Variants in PTPN13 observed in about 807,000 individuals in gnomAD.
The protein encoded by PTPN13 is protein tyrosine phosphatase non-receptor type 13, also known as tyrosine-protein phosphatase non-receptor type 13.
PTPN13 carries 191 observed loss-of-function variants against 284.0 expected under a neutral mutation model. The observed-to-expected ratio is 0.67, with a 90% confidence interval of 0.60 to 0.76. PTPN13 has a LOEUF of 0.76. PTPN13 is among the 30% of genes least tolerant of loss of function. The pLI is 0.00. For synonymous variants in PTPN13, 986 were observed against 1,022.3 expected (o/e 0.96, Z 0.68); for missense variants, 2,797 against 2,939.9 (o/e 0.95, Z 1.12).
At chr4:86,740,096 T>A (rs913347792) in intron 15 of PTPN13, among the ~76,000 whole-genome samples, 4 of 152,194 alleles carry the variant, frequency 2.6e-5, no homozygotes, top group African/African-American at 9.6e-5. Context: ...CTTTTCCAGG[T>A]GCATGGTGCA....
intron 1 of PTPN13, among the ~76,000 whole-genome samples, chr4:86,614,021 G>A (rs1461041348): frequency 6.6e-6 from 1 of 152,146 alleles, no homozygotes; most frequent in African/African-American, 2.4e-5. Context: ...ACTCATAATT[G>A]TCAATCCTAT....
intron 2 of PTPN13, among the ~76,000 whole-genome samples, chr4:86,662,619 C>T (rs992647450): frequency 1.3e-5 from 2 of 152,180 alleles, no homozygotes; most frequent in African/African-American, 2.4e-5. Context: ...CATGAGCCAC[C>T]GTGCCCAGCT....
chr4:86,804,013 G>T (rs1744371744), intron 43 of PTPN13, among the ~76,000 whole-genome samples, 156 bp downstream of exon 43: 1 of 151,648 alleles, frequency 6.6e-6, no homozygotes, highest in Non-Finnish European at 1.5e-5. Flanking sequence ...TAATTTTTCT[G>T]ATTAGGATCC....
At chr4:86,771,557 C>A in intron 31 of PTPN13, 22 bp downstream of exon 31, 1 of 1,530,004 alleles carries the variant, frequency 6.5e-7, no homozygotes, top group Non-Finnish European at 8.8e-7. Context: ...ATAATGTGAA[C>A]CGCTCAAAGC....
chr4:86,803,255 C>T (rs1744247581), intron 42 of PTPN13, among the ~76,000 whole-genome samples: 1 of 149,762 alleles, frequency 6.7e-6, no homozygotes, highest in Non-Finnish European at 1.5e-5. Flanking sequence ...ATAGAATATA[C>T]ACACACACAT....
chr4:86,711,518 C>T (rs1031084796), intron 7 of PTPN13, among the ~76,000 whole-genome samples: 6 of 152,066 alleles, frequency 3.9e-5, no homozygotes, highest in South Asian at 2.1e-4. Context: ...CTCTCCCATT[C>T]GCTCTTTTCT....
intron 23 of PTPN13, among the ~76,000 whole-genome samples, chr4:86,760,158 T>A (rs1402415588): frequency 1.3e-5 from 2 of 152,172 alleles, no homozygotes; most frequent in Non-Finnish European, 2.9e-5. Flanking sequence ...CACATATAAA[T>A]AATATGTTAC....
chr4:86,720,834 G>A (rs1413967347), intron 9 of PTPN13, among the ~76,000 whole-genome samples: 2 of 152,134 alleles, frequency 1.3e-5, no homozygotes, highest in Non-Finnish European at 2.9e-5. Context: ...AGTGGGATGG[G>A]GGGAGATTAA....
At chr4:86,793,202 G>A (rs1038031119) in intron 40 of PTPN13, among the ~76,000 whole-genome samples, 4 of 152,140 alleles carry the variant, frequency 2.6e-5, no homozygotes, top group Admixed American at 6.5e-5. Flanking sequence ...AGCAGGGGTT[G>A]CAATCCTAGT....
At chr4:86,655,779 A>G (rs1725722829) in intron 2 of PTPN13, among the ~76,000 whole-genome samples, 1 of 152,016 alleles carries the variant, frequency 6.6e-6, no homozygotes, top group Non-Finnish European at 1.5e-5. Context: ...CTGAATTTGA[A>G]CGTTGGCCTG....
intron 8 of PTPN13, 103 bp downstream of exon 8, chr4:86,716,728 C>A: frequency 3.1e-6 from 3 of 953,756 alleles, no homozygotes; most frequent in East Asian, 2.7e-5. Flanking sequence ...AAGAATAATA[C>A]TGTATAAAAT....
Position 86,654,664 on chromosome 4 carries a change from T to A in PTPN13, c.116-17701T>A, listed in dbSNP as rs1482047254. On this transcript the variant is annotated intron_variant, in intron 2 of 47. Transcript: ENST00000411767. Reference sequence around the variant, plus strand: ...CTGAGGAGTGCTTTACTTCCAACTATGTGGTCAATTTTGGAATAAGTGTGA... The same window carrying A: ...CTGAGGAGTGCTTTACTTCCAACTAAGTGGTCAATTTTGGAATAAGTGTGA... Among the ~76,000 whole-genome samples the A allele has an allele frequency of 2.0e-5, 3 of 152,338 alleles. No individual in the cohort carries two copies. In the East Asian group the frequency reaches 5.8e-4, roughly 29 times the overall value.
rs142827109 is a variant in PTPN13 at position 86,634,878 on chromosome 4, A to T, written c.-5-374A>T. Among the ~76,000 whole-genome samples, 66 of 152,254 alleles carry T rather than the reference A, an allele frequency of 4.3e-4. No homozygotes were observed. The East Asian group carries it at 0.011, about 26-fold the overall frequency. ...CTCTCTACTTTTATATCTGGGATGGATAGGATGAAACCTGGAACAGAAATC... is the reference window on the plus strand; with the variant it reads ...CTCTCTACTTTTATATCTGGGATGGTTAGGATGAAACCTGGAACAGAAATC... On this transcript the variant is annotated intron_variant, in intron 1 of 47. Coordinates refer to ENST00000411767, the MANE Select transcript of PTPN13 (RefSeq NM_080683.3).
intron 36 of PTPN13, 124 bp downstream of exon 36, chr4:86,780,596 G>T: frequency 1.4e-6 from 1 of 691,840 alleles, no homozygotes; most frequent in Non-Finnish European, 2.6e-6. Context: ...ATATAATCCA[G>T]CTTTTTCACT....
intron 2 of PTPN13, among the ~76,000 whole-genome samples, chr4:86,658,585 A>G (rs1011030190): frequency 1.3e-5 from 2 of 152,182 alleles, no homozygotes; most frequent in Non-Finnish European, 2.9e-5. Context: ...GAAAATTAGT[A>G]AAATAGAAAA....
At chr4:86,645,825 C>G (rs1055500216) in intron 2 of PTPN13, among the ~76,000 whole-genome samples, 17 of 151,832 alleles carry the variant, frequency 1.1e-4, no homozygotes, top group Non-Finnish European at 2.2e-4. Flanking sequence ...TAGAAAATGA[C>G]AAGTGGATTG....
chr4:86,665,853 T>C (rs996157515), intron 2 of PTPN13, among the ~76,000 whole-genome samples: 1 of 152,128 alleles, frequency 6.6e-6, no homozygotes, highest in African/African-American at 2.4e-5. Flanking sequence ...AGTAGGTGAT[T>C]GAGGAAAAAT....
At chr4:86,631,075 A>G (rs1376281109) in intron 1 of PTPN13, among the ~76,000 whole-genome samples, 1 of 152,186 alleles carries the variant, frequency 6.6e-6, no homozygotes, top group East Asian at 1.9e-4. Flanking sequence ...CTTCAAGAGA[A>G]TAAAAGTAAA....
At chr4:86,615,523 A>G (rs920952047) in intron 1 of PTPN13, among the ~76,000 whole-genome samples, 1 of 152,130 alleles carries the variant, frequency 6.6e-6, no homozygotes, top group African/African-American at 2.4e-5. Flanking sequence ...AATAACATAT[A>G]TTAATTTGCG....
Sources: allele counts gnomAD v4.1 joint callset (sites outside exome capture counted in the v4.1 genomes callset), GRCh38; gene constraint gnomAD v4.1.1; transcripts MANE v1.5; gene names NCBI Gene and HGNC (gene_info 2026-07-23, HGNC 2026-07-21).